Variants in ALK observed in about 807,000 individuals in gnomAD.
The protein encoded by ALK is ALK tyrosine kinase receptor.
Under a neutral mutation model 163.1 loss-of-function variants are expected in ALK, and 74 were observed. That is an observed-to-expected ratio of 0.45 (90% CI 0.38 to 0.55). The LOEUF (loss-of-function observed/expected upper bound fraction) is 0.55. Among genes scored for constraint, ALK ranks in the 20% least tolerant of loss-of-function variants. The pLI, the probability that ALK is intolerant of heterozygous loss-of-function variation, is 0.00. For missense variants in ALK, 2,063 were observed against 2,105.3 expected (o/e 0.98, Z 0.39); for synonymous variants, 960 against 843.2 (o/e 1.14, Z -2.40).
At chr2:29,846,051 A>T (rs1453717656) in intron 1 of ALK, among the ~76,000 whole-genome samples, 1 of 152,196 alleles carries the variant, frequency 6.6e-6, no homozygotes, top group Non-Finnish European at 1.5e-5. Context: ...GCCCATGGTT[A>T]TAAAAAAGAA....
intron 12 of ALK, among the ~76,000 whole-genome samples, chr2:29,241,236 AG>A (rs1664515453): frequency 6.6e-6 from 1 of 152,160 alleles, no homozygotes; most frequent in African/African-American, 2.4e-5. Flanking sequence ...TGATGAAAAG[AG>A]AAGTCTCACC....
At chr2:29,284,041 A>G (rs12185589) in intron 9 of ALK, among the ~76,000 whole-genome samples, 17,449 of 152,280 alleles carry the variant, frequency 0.11, 1,084 homozygotes, top group African/African-American at 0.16. Flanking sequence ...CTATAGAGCT[A>G]GAAGCTACTC....
chr2:29,228,370 A>T (rs1664077067), intron 16 of ALK, among the ~76,000 whole-genome samples: 1 of 152,222 alleles, frequency 6.6e-6, no homozygotes, highest in Non-Finnish European at 1.5e-5. Context: ...CAGACGAGGC[A>T]GCTGGGGTCA....
At chr2:29,617,597 T>A (rs1457865350) in intron 3 of ALK, among the ~76,000 whole-genome samples, 1 of 152,190 alleles carries the variant, frequency 6.6e-6, no homozygotes, top group Admixed American at 6.5e-5. Context: ...TTGGCCCCTG[T>A]CCTGTCAGCT....
chr2:29,621,325 A>T (rs1410586011), intron 3 of ALK, among the ~76,000 whole-genome samples: 3 of 152,198 alleles, frequency 2.0e-5, no homozygotes, highest in African/African-American at 7.2e-5. Context: ...TAGAAAAGAT[A>T]TCTGTTTTCT....
chr2:29,595,877 G>A (rs1042802723), intron 3 of ALK, among the ~76,000 whole-genome samples: 2 of 152,190 alleles, frequency 1.3e-5, no homozygotes, highest in Admixed American at 6.5e-5. Context: ...AGGACTGAAG[G>A]GAAAAAGCAG....
chr2:29,334,925 A>T (rs1277317506), intron 5 of ALK, among the ~76,000 whole-genome samples: 1 of 152,304 alleles, frequency 6.6e-6, no homozygotes, highest in South Asian at 2.1e-4. Context: ...AATTCCAAGA[A>T]GGAATGTATC....
chr2:29,529,351 C>T (rs1230417374), intron 4 of ALK, among the ~76,000 whole-genome samples: 1 of 152,198 alleles, frequency 6.6e-6, no homozygotes, highest in African/African-American at 2.4e-5. Flanking sequence ...GAGAGGAAGC[C>T]AGCCCCATTC....
intron 3 of ALK, among the ~76,000 whole-genome samples, chr2:29,562,507 G>A (rs567488361): frequency 1.3e-5 from 2 of 152,210 alleles, no homozygotes; most frequent in East Asian, 3.9e-4. Flanking sequence ...TCCAGATGGT[G>A]TCTGCCCAGG....
In ALK at chr2:29,451,439, C is replaced by G. The variant is rs1417100749; in HGVS notation, c.1155-67580G>C. 3.9e-5 allele frequency among the ~76,000 whole-genome samples: 6 copies of G among 152,192 alleles called. No individual in the cohort carries two copies. In the East Asian group the frequency reaches 1.2e-3, roughly 29 times the overall value. The stretch of plus-strand genomic sequence containing the variant: ...CCCTTCACACTCTATCGCCCTCCTT[C>G]CTGCTAAAATCTCCCTTTCACATTC... On this transcript the variant is annotated intron_variant, in intron 4 of 28. Coordinates refer to ENST00000389048, the MANE Select transcript of ALK (RefSeq NM_004304.5).
At chr2:29,657,487 C>A (rs1677219673) in intron 3 of ALK, among the ~76,000 whole-genome samples, 1 of 152,150 alleles carries the variant, frequency 6.6e-6, no homozygotes, top group African/African-American at 2.4e-5. Flanking sequence ...AATGGCAGAG[C>A]ACCAACCAAA....
chr2:29,686,974 C>T (rs186944871), intron 3 of ALK, among the ~76,000 whole-genome samples: 5 of 152,192 alleles, frequency 3.3e-5, no homozygotes, highest in Admixed American at 6.5e-5. Flanking sequence ...GCTTGAGAGA[C>T]GAGTGACGTG....
At chr2:29,625,844 C>A (rs1433852253) in intron 3 of ALK, among the ~76,000 whole-genome samples, 2 of 152,218 alleles carry the variant, frequency 1.3e-5, no homozygotes, top group Non-Finnish European at 1.5e-5. Context: ...AGCAGAGGCA[C>A]CTGAGCTTTG....
At chr2:29,304,769 T>C (rs888871647) in intron 8 of ALK, among the ~76,000 whole-genome samples, 3 of 152,266 alleles carry the variant, frequency 2.0e-5, no homozygotes, top group Admixed American at 1.3e-4. Context: ...TGAACCTGTA[T>C]TTTGTTATAG....
chr2:29,467,372 G>C (rs1429665416), intron 4 of ALK, among the ~76,000 whole-genome samples: 1 of 152,166 alleles, frequency 6.6e-6, no homozygotes, highest in Non-Finnish European at 1.5e-5. Context: ...TGCTGGCCTT[G>C]GGAATATGGC....
intron 4 of ALK, among the ~76,000 whole-genome samples, chr2:29,466,979 T>C (rs557249579): frequency 6.4e-4 from 98 of 152,356 alleles, no homozygotes; most frequent in African/African-American, 2.2e-3. Flanking sequence ...TCAGTATTTC[T>C]TCTTTTTTGG....
At chr2:29,582,231 G>C (rs1674721464) in intron 3 of ALK, among the ~76,000 whole-genome samples, 1 of 152,182 alleles carries the variant, frequency 6.6e-6, no homozygotes, top group African/African-American at 2.4e-5. Context: ...GCAGCAGAGG[G>C]AAACGGCCTT....
intron 4 of ALK, among the ~76,000 whole-genome samples, chr2:29,520,186 G>A (rs986647739): frequency 6.6e-5 from 10 of 152,254 alleles, no homozygotes; most frequent in Non-Finnish European, 1.0e-4. Flanking sequence ...GCTCGGCAGT[G>A]TAGGATGGTT....
intron 23 of ALK, among the ~76,000 whole-genome samples, chr2:29,220,261 A>G (rs1010288480): frequency 3.3e-5 from 5 of 152,142 alleles, no homozygotes; most frequent in African/African-American, 9.6e-5. Context: ...TGGTTGTTTA[A>G]AAGTGTACAG....
Sources: allele counts gnomAD v4.1 joint callset (sites outside exome capture counted in the v4.1 genomes callset), GRCh38; gene constraint gnomAD v4.1.1; transcripts MANE v1.5; gene names NCBI Gene and HGNC (gene_info 2026-07-23, HGNC 2026-07-21).